Variants in BARX2 observed in about 807,000 individuals in gnomAD.
BARX2 encodes homeobox protein BarH-like 2.
BARX2 carries 11 observed loss-of-function variants against 25.5 expected under a neutral mutation model. The observed-to-expected ratio is 0.43, with a 90% CI of 0.27 to 0.71. The LOEUF is 0.71. Ranked by LOEUF, BARX2 falls within the 30% of genes least tolerant of loss-of-function variation. BARX2 has a pLI of 0.19. For synonymous variants in BARX2, 137 were observed against 149.5 expected, an observed-to-expected ratio of 0.92 and a Z score of 0.61; for missense variants, 360 against 359.9, an observed-to-expected ratio of 1.00 and a Z score of 0.00.
intron 1 of BARX2, among the ~76,000 whole-genome samples, chr11:129,392,257 G>A (rs1455791474): frequency 6.6e-6 from 1 of 152,214 alleles, no homozygotes; most frequent in Non-Finnish European, 1.5e-5. Context: ...ACCCACTGTG[G>A]GGTGAGAGAT....
At chr11:129,387,596 C>T (rs774195422) in intron 1 of BARX2, among the ~76,000 whole-genome samples, 1 of 152,174 alleles carries the variant, frequency 6.6e-6, no homozygotes, top group Non-Finnish European at 1.5e-5. Flanking sequence ...ATATTGTTAT[C>T]CCTGGATATC....
chr11:129,390,368 CCATAGAGT>C lies in BARX2; in HGVS notation c.187+14148_187+14155del, dbSNP rs1313412058. ...ACTTTGTCCCCTAGGGTCCTCAGAA[CCATAGAGT>C]CTGAGTTTTCTGAATTGTTGAAAAT... On this transcript the variant is annotated intron_variant, in intron 1 of 3. Transcript: ENST00000281437. The surrounding 1 kb of genome is among the most constrained non-coding windows in gnomAD (Gnocchi z 4.3). Among the ~76,000 whole-genome samples, 1 of 152,034 alleles carries C rather than the reference CCATAGAGT, an allele frequency of 6.6e-6. No homozygotes were observed. Among genetic ancestry groups the C allele is most frequent in the Non-Finnish European group, 1.5e-5 (1 of 68,020 alleles).
chr11:129,410,176 ATT>A (rs1235377800), intron 1 of BARX2, among the ~76,000 whole-genome samples: 1 of 152,212 alleles, frequency 6.6e-6, no homozygotes, highest in Non-Finnish European at 1.5e-5. Context: ...TATTGTTAAT[ATT>A]ATATTCTATA....
At chr11:129,442,645 G>C (rs1054627198) in intron 2 of BARX2, 190 bp from the exon 3 acceptor site, 1 of 638,816 alleles carries the variant, frequency 1.6e-6, no homozygotes, top group Non-Finnish European at 2.9e-6. Flanking sequence ...CTGTTTCTCA[G>C]CTTCCCAGAG....
At chr11:129,388,956 GA>G (rs1171079084) in intron 1 of BARX2, among the ~76,000 whole-genome samples, 1 of 152,078 alleles carries the variant, frequency 6.6e-6, no homozygotes, top group African/African-American at 2.4e-5. Flanking sequence ...CCTCATCTGT[GA>G]AATGAAGATA....
chr11:129,436,939 C>T lies in BARX2; in HGVS notation c.376C>T (p.Pro126Ser), dbSNP rs1862197509. Residue 126 changes from proline (P) to serine (S), a missense_variant, in exon 2 of 4, where the codon CCC becomes TCC. Around this residue, in one of 3 missense-constraint regions of BARX2, gnomAD observed 240 missense variants for 228.7 expected, o/e 1.05. Transcript: ENST00000281437. This position sits in a 1 kb window ranked among gnomAD's most constrained non-coding sequence, Gnocchi z 4.5. ...CAGCAGCGAGTCAGAGACGGAACAG[C>T]CCACGCCCCGACAGAAGAAGCCCCG... is the stretch of plus-strand genomic sequence containing the variant. ...LASSESETEQ[P>S]TPRQKKPRRS... The T allele has an allele frequency of 6.2e-7, 1 of 1,613,264 alleles. No homozygotes were observed. Among genetic ancestry groups the T allele is most frequent in the African/African-American group, 1.3e-5 (1 of 74,936 alleles).
intron 3 of BARX2, among the ~76,000 whole-genome samples, chr11:129,448,329 A>T (rs1349450456): frequency 1.3e-5 from 2 of 152,226 alleles, no homozygotes; most frequent in Non-Finnish European, 2.9e-5. Context: ...GAAGGACATC[A>T]TTAGAAAAAT....
chr11:129,448,571 A>G (rs1862357997), intron 3 of BARX2, among the ~76,000 whole-genome samples: 2 of 152,250 alleles, frequency 1.3e-5, no homozygotes, highest in Non-Finnish European at 2.9e-5. Context: ...CAGAACCACA[A>G]TGAGATACCA....
intron 1 of BARX2, among the ~76,000 whole-genome samples, chr11:129,380,250 G>T (rs575658204): frequency 2.6e-5 from 4 of 152,228 alleles, no homozygotes; most frequent in Admixed American, 2.6e-4. Context: ...TTGGGGAAGG[G>T]TGTTTATCTT....
chr11:129,397,256 T>G (rs1358885935), intron 1 of BARX2, among the ~76,000 whole-genome samples: 3 of 151,216 alleles, frequency 2.0e-5, no homozygotes, highest in South Asian at 2.1e-4. Flanking sequence ...TGCACTCAGC[T>G]TGGGTGGACA....
intron 1 of BARX2, among the ~76,000 whole-genome samples, chr11:129,389,837 A>G (rs563922770): frequency 1.3e-5 from 2 of 152,218 alleles, no homozygotes; most frequent in East Asian, 1.9e-4. Flanking sequence ...TGGTAGCAGT[A>G]TGACAACTAA....
chr11:129,410,804 C>A (rs1269116009), intron 1 of BARX2, among the ~76,000 whole-genome samples: 1 of 152,126 alleles, frequency 6.6e-6, no homozygotes, highest in Non-Finnish European at 1.5e-5. Context: ...CAGGGTTCAC[C>A]CCACAGTTCT....
At chr11:129,409,080 T>G (rs1164471150) in intron 1 of BARX2, among the ~76,000 whole-genome samples, 1 of 152,150 alleles carries the variant, frequency 6.6e-6, no homozygotes, top group African/African-American at 2.4e-5. Context: ...ATACAAGAGC[T>G]CTCAGAGAAA....
chr11:129,433,994 A>G (rs1388283650), intron 1 of BARX2, among the ~76,000 whole-genome samples: 1 of 152,134 alleles, frequency 6.6e-6, no homozygotes, highest in African/African-American at 2.4e-5. Context: ...GATTGAATGC[A>G]GGATTAGATG....
Position 129,436,648 on chromosome 11 carries a change from G to GC in BARX2, c.188-100dup, listed in dbSNP as rs1862191693. 2.3e-6 allele frequency: 3 copies of GC among 1,286,266 alleles called. No individual in the cohort carries two copies. The Admixed American group carries it at 6.9e-5, about 30-fold the overall frequency. The allele number at this position is 1,286,266 out of a possible 1,614,324, so 79.7% of individuals were successfully genotyped here. A position where few individuals can be genotyped will look rare whatever the true frequency, so the allele number is the denominator to read the frequency against. ...CCATCTGTACCTCCTTAAGAGCAGG[G>GC]CCCTCCCTGTCAGACAGACCTCAGC... On this transcript the variant is annotated intron_variant, in intron 1 of 3. Coordinates refer to ENST00000281437, the MANE Select transcript of BARX2 (RefSeq NM_003658.5). The surrounding 1 kb of genome is among the most constrained non-coding windows in gnomAD (Gnocchi z 4.5).
At chr11:129,439,157 A>T (rs1178131901) in intron 2 of BARX2, among the ~76,000 whole-genome samples, 2 of 152,182 alleles carry the variant, frequency 1.3e-5, no homozygotes, top group African/African-American at 4.8e-5. Flanking sequence ...ACCATAAATG[A>T]TGGATGAGAG....
At chr11:129,444,951 A>G (rs1483216927) in intron 3 of BARX2, among the ~76,000 whole-genome samples, 1 of 152,200 alleles carries the variant, frequency 6.6e-6, no homozygotes, top group Admixed American at 6.5e-5. Context: ...CAGTGAGCCA[A>G]GATCACACCA....
At chr11:129,382,308 A>G (rs1051335723) in intron 1 of BARX2, among the ~76,000 whole-genome samples, 6 of 152,082 alleles carry the variant, frequency 3.9e-5, no homozygotes, top group African/African-American at 1.4e-4. Context: ...CCTCCCTAGT[A>G]GCTGGGACTA....
chr11:129,426,004 CTTT>C (rs368509688), intron 1 of BARX2, among the ~76,000 whole-genome samples: 8 of 132,598 alleles, frequency 6.0e-5, no homozygotes, highest in Admixed American at 7.7e-5. Flanking sequence ...GCCCTTCCTC[CTTT>C]TTTTTTTTTT....
Sources: gnomAD v4.1 joint callset for allele counts (sites outside exome capture counted in the v4.1 genomes callset) on GRCh38, gnomAD v4.1.1 for gene constraint, gnomAD v4.1.1 regional missense constraint, Gnocchi (gnomAD v3.1) non-coding constraint, MANE v1.5 for transcripts, NCBI Gene and HGNC (gene_info 2026-07-23, HGNC 2026-07-21) for gene names.